SDK2: variants seen among roughly 807,000 people sequenced by gnomAD.
SDK2 encodes the protein sidekick cell adhesion molecule 2.
SDK2 carries 105 observed loss-of-function variants against 253.9 expected under a neutral mutation model. The observed-to-expected ratio is 0.41, with a 90% CI of 0.35 to 0.49. The LOEUF is 0.49. Ranked by LOEUF, SDK2 falls within the 20% of genes least tolerant of loss-of-function variation. The pLI, the probability that SDK2 is intolerant of heterozygous loss-of-function variation, is 0.06. For synonymous variants in SDK2, 1,249 were observed against 1,234.9 expected, an observed-to-expected ratio of 1.01 and a Z score of -0.24; for missense variants, 2,608 against 3,003.0, an observed-to-expected ratio of 0.87 and a Z score of 3.07.
rs1012027764 is a variant in SDK2, at chr17:73,379,091, C to T, written c.4980+86G>A. 5.0e-6 allele frequency: 5 copies of T among 996,120 alleles called. No individual in the cohort carries two copies. The highest frequency in any genetic ancestry group is 2.6e-5 in the East Asian group (1 of 37,808). 61.7% of individuals were successfully genotyped at this position (996,120 alleles called of 1,614,324 possible). On this transcript the variant is annotated intron_variant, in intron 36 of 44. Transcript: ENST00000392650. This position sits in a 1 kb window ranked among gnomAD's most constrained non-coding sequence, Gnocchi z 4.5. ...GATGAATGGAGGGCCTGGGGACCTG[C>T]CTGCCTCCCACATATCACTCACTCC...
At chr17:73,486,078 T>C (rs2063767796) in intron 2 of SDK2, among the ~76,000 whole-genome samples, 1 of 152,094 alleles carries the variant, frequency 6.6e-6, no homozygotes, top group South Asian at 2.1e-4. Context: ...AAGATGTCAC[T>C]GGTGCTAGCA....
At chr17:73,418,065 T>C (rs890701179) in intron 16 of SDK2, among the ~76,000 whole-genome samples, 9 of 143,142 alleles carry the variant, frequency 6.3e-5, no homozygotes, top group African/African-American at 2.3e-4. Flanking sequence ...TGGAGTGCAG[T>C]GGTGCGATCT....
intron 2 of SDK2, among the ~76,000 whole-genome samples, chr17:73,480,317 A>G (rs558184518): frequency 6.6e-6 from 1 of 152,200 alleles, no homozygotes; most frequent in Admixed American, 6.5e-5. Flanking sequence ...TCGGCTGTCT[A>G]CCTCCTCCTG....
At chr17:73,633,617 A>G (rs2046295517) in intron 1 of SDK2, among the ~76,000 whole-genome samples, 1 of 152,200 alleles carries the variant, frequency 6.6e-6, no homozygotes, top group East Asian at 1.9e-4. Flanking sequence ...CCCTTAAAAG[A>G]GTTAAGTGCA....
intron 1 of SDK2, among the ~76,000 whole-genome samples, chr17:73,603,990 G>A (rs560480819): frequency 1.3e-5 from 2 of 152,364 alleles, no homozygotes; most frequent in South Asian, 2.1e-4. Context: ...ACCCACCAAC[G>A]TCAGCTGGCA....
intron 1 of SDK2, among the ~76,000 whole-genome samples, chr17:73,514,116 T>TA (rs1432638291): frequency 1.3e-5 from 2 of 152,184 alleles, no homozygotes; most frequent in Non-Finnish European, 2.9e-5. Context: ...GTGTGCATGG[T>TA]AAGCTGTTCA....
chr17:73,433,797 C>G lies in SDK2; in HGVS notation c.1247G>C (p.Gly416Ala). Residue 416 changes from glycine (G) to alanine (A), a missense_variant, in exon 10 of 45, where the codon GGC becomes GCC. By Grantham distance (60) the Gly-to-Ala change is moderately conservative. Coordinates refer to ENST00000392650, the MANE Select transcript of SDK2 (RefSeq NM_001144952.2). ...RGPLDSTVIDGMSVVLACETS... is the reference protein window; with the variant it reads ...RGPLDSTVIDAMSVVLACETS... ...CTCACATGCTAGCACCACTGACATG[C>G]CATCGATCACCGTGCTGTCCAGGGG... 7 of 1,603,168 alleles carry G rather than the reference C, an allele frequency of 4.4e-6. No homozygotes were observed. The highest frequency in any genetic ancestry group is 1.3e-5 in the African/African-American group (1 of 74,920).
At chr17:73,480,908 GT>G (rs969938787) in intron 2 of SDK2, among the ~76,000 whole-genome samples, 2 of 152,316 alleles carry the variant, frequency 1.3e-5, no homozygotes, top group East Asian at 3.9e-4. Context: ...AGCAATGTCT[GT>G]TTTTCTATTT....
intron 1 of SDK2, among the ~76,000 whole-genome samples, chr17:73,510,174 C>A (rs1009858814): frequency 1.3e-5 from 2 of 152,190 alleles, no homozygotes; most frequent in African/African-American, 4.8e-5. Context: ...TCAGGTTCAG[C>A]CCTTGTTTCC....
At chr17:73,410,490 G>GTAT (rs1310877305) in intron 18 of SDK2, among the ~76,000 whole-genome samples, 6 of 151,942 alleles carry the variant, frequency 3.9e-5, no homozygotes, top group Non-Finnish European at 7.4e-5. Flanking sequence ...GCTAATTTTT[G>GTAT]TATTTTCAGT....
chr17:73,520,919 G>A (rs2064073354), intron 1 of SDK2: 1 of 152,322 alleles, frequency 6.6e-6, no homozygotes, highest in Non-Finnish European at 1.5e-5. Context: ...GGAATGGGGA[G>A]TGACTGTGAG....
intron 18 of SDK2, among the ~76,000 whole-genome samples, chr17:73,412,046 GTATATACGTATA>G (rs2063136651): frequency 8.7e-4 from 2 of 2,310 alleles, no homozygotes; most frequent in South Asian, 0.043. Context: ...GTATATATAT[GTATATACGTATA>G]TGTATATATA....
In SDK2 at chr17:73,447,911, C is replaced by A. The variant is rs1299491490; in HGVS notation, c.480-163G>T. On this transcript the variant is annotated intron_variant, in intron 4 of 44. Transcript: ENST00000392650. This position sits in a 1 kb window ranked among gnomAD's most constrained non-coding sequence, Gnocchi z 4.0. ...CTCCCCAACCTCTTACTGCCTACAT[C>A]CCGCCACGTTTAGTTTGCAGAGAAT... Among the ~76,000 whole-genome samples the A allele has an allele frequency of 6.6e-6, 1 of 152,116 alleles. No homozygotes were observed. The highest frequency in any genetic ancestry group is 1.5e-5 in the Non-Finnish European group (1 of 68,022).
chr17:73,355,345 C>CTTAT (rs1177091887), intron 40 of SDK2, among the ~76,000 whole-genome samples: 2 of 147,326 alleles, frequency 1.4e-5, no homozygotes, highest in East Asian at 2.0e-4. Context: ...GCCCGGCTAA[C>CTTAT]TTATTTATTT....
chr17:73,633,654 G>A (rs1482920456), intron 1 of SDK2, among the ~76,000 whole-genome samples: 2 of 152,192 alleles, frequency 1.3e-5, no homozygotes, highest in Non-Finnish European at 2.9e-5. Context: ...TTTACGTCTA[G>A]TACCTCAGTC....
intron 1 of SDK2, among the ~76,000 whole-genome samples, chr17:73,630,778 C>T (rs527744986): frequency 6.6e-6 from 1 of 152,250 alleles, no homozygotes; most frequent in Admixed American, 6.5e-5. Context: ...CAGGGCTCTG[C>T]AAGGGAGGCT....
intron 1 of SDK2, among the ~76,000 whole-genome samples, chr17:73,634,106 C>G (rs186386794): frequency 4.6e-5 from 7 of 152,282 alleles, no homozygotes; most frequent in Admixed American, 4.6e-4. Context: ...CACTAAGACC[C>G]TATGGACATC....
chr17:73,557,173 T>A (rs2045156108), intron 1 of SDK2, among the ~76,000 whole-genome samples: 1 of 152,222 alleles, frequency 6.6e-6, no homozygotes, highest in Non-Finnish European at 1.5e-5. Context: ...TCATAAGAAG[T>A]AAGTTTCAAC....
At chr17:73,533,277 C>T (rs2064184916) in intron 1 of SDK2, among the ~76,000 whole-genome samples, 1 of 152,248 alleles carries the variant, frequency 6.6e-6, no homozygotes, top group African/African-American at 2.4e-5. Flanking sequence ...GGTGGGCGTG[C>T]AGCCAGGCCA....
Sources: gnomAD v4.1 joint callset for allele counts (sites outside exome capture counted in the v4.1 genomes callset) on GRCh38, gnomAD v4.1.1 for gene constraint, Gnocchi (gnomAD v3.1) non-coding constraint, MANE v1.5 for transcripts, NCBI Gene and HGNC (gene_info 2026-07-23, HGNC 2026-07-21) for gene names.